TP53BP2: variants seen among roughly 807,000 people sequenced by gnomAD.
TP53BP2 encodes apoptosis-stimulating of p53 protein 2.
In TP53BP2, 62 loss-of-function variants were observed where a neutral mutation model predicts 126.2. The ratio of observed to expected loss-of-function variants is 0.49; its 90% CI spans 0.40 to 0.61. TP53BP2 has a LOEUF of 0.61. Ranked by LOEUF, TP53BP2 falls within the 20% of genes least tolerant of loss-of-function variation. The pLI, the probability that TP53BP2 is intolerant of heterozygous loss-of-function variation, is 0.00. For missense variants in TP53BP2, 1,215 were observed against 1,402.8 expected (o/e 0.87, Z 2.14); for synonymous variants, 485 against 502.9 (o/e 0.96, Z 0.48).
chr1:223,802,018 A>T, intron 9 of TP53BP2, 98 bp downstream of exon 9: 1 of 1,202,214 alleles, frequency 8.3e-7, no homozygotes, highest in South Asian at 1.5e-5. Context: ...TAGAATTCAA[A>T]CATGAATAAT....
intron 2 of TP53BP2, 76 bp downstream of exon 2, chr1:223,821,142 TCA>T: frequency 3.2e-6 from 5 of 1,576,986 alleles, no homozygotes; most frequent in Non-Finnish European, 4.3e-6. Context: ...ACATGAGCAT[TCA>T]CACAGTGCCA....
At chr1:223,785,708 G>A (rs1412193453) in intron 16 of TP53BP2, among the ~76,000 whole-genome samples, 1 of 152,156 alleles carries the variant, frequency 6.6e-6, no homozygotes, top group African/African-American at 2.4e-5. Context: ...ATTAGGAATG[G>A]AGAAAAATTC....
At chr1:223,809,940 C>T (rs1208602136) in intron 4 of TP53BP2, among the ~76,000 whole-genome samples, 1 of 152,100 alleles carries the variant, frequency 6.6e-6, no homozygotes, top group Non-Finnish European at 1.5e-5. Context: ...GATTCTCCTG[C>T]CTCAGCCTCC....
intron 1 of TP53BP2, 136 bp from the exon 2 acceptor site, chr1:223,821,503 CA>C: frequency 1.6e-6 from 2 of 1,215,526 alleles, no homozygotes; most frequent in South Asian, 2.4e-5. Context: ...GTCACCCGGC[CA>C]AAGGTGAGGT....
intron 1 of TP53BP2, among the ~76,000 whole-genome samples, chr1:223,821,775 C>T (rs952330770): frequency 5.3e-5 from 8 of 152,048 alleles, no homozygotes; most frequent in African/African-American, 9.7e-5. Context: ...TGGAAGGACA[C>T]GTAAGAATGT....
chr1:223,786,600 G>T (rs1247146623), intron 16 of TP53BP2, among the ~76,000 whole-genome samples: 1 of 150,102 alleles, frequency 6.7e-6, no homozygotes, highest in Non-Finnish European at 1.5e-5. Context: ...GTGTGTGTGT[G>T]TGTGTGTATA....
intron 1 of TP53BP2, among the ~76,000 whole-genome samples, chr1:223,822,962 A>G (rs1241783464): frequency 6.6e-6 from 1 of 152,232 alleles, no homozygotes; most frequent in East Asian, 1.9e-4. Flanking sequence ...CCTCACAGTG[A>G]GAATACATCC....
At chr1:223,826,830 C>T (rs1335849051) in intron 1 of TP53BP2, among the ~76,000 whole-genome samples, 1 of 152,100 alleles carries the variant, frequency 6.6e-6, no homozygotes, top group African/African-American at 2.4e-5. Context: ...AAATGCTACA[C>T]ACGGAATGAG....
chr1:223,836,594 G>A (rs547829310), intron 1 of TP53BP2, among the ~76,000 whole-genome samples: 4 of 152,340 alleles, frequency 2.6e-5, no homozygotes, highest in African/African-American at 9.6e-5. Flanking sequence ...GGTCAGACTT[G>A]AAGAATTCTG....
Position 223,798,668 on chromosome 1 carries a change from T to C in TP53BP2, c.1495A>G (p.Lys499Glu). 1 of 1,604,568 alleles carries C rather than the reference T, an allele frequency of 6.2e-7. No individual in the cohort carries two copies. Among genetic ancestry groups the C allele is most frequent in the South Asian group, 1.1e-5 (1 of 89,472 alleles). ...GGAGGTGGTACTTTAGCCACATTTTTATTTGCAACCTATAACACACACATA... is the reference window on the plus strand; with the variant it reads ...GGAGGTGGTACTTTAGCCACATTTTCATTTGCAACCTATAACACACACATA... ...DILRDAQVAN[K>E]NVAKVPPPVP... Residue 499 changes from lysine (K) to glutamate (E), a missense_variant, in exon 12 of 18, where the codon AAA becomes GAA. Physicochemically the swap from Lys to Glu is moderately conservative, Grantham distance 56. Around this residue, in one of 4 missense-constraint regions of TP53BP2, gnomAD observed 814 missense variants for 853.0 expected, o/e 0.95. Transcript: ENST00000343537.
At chr1:223,810,553 T>C (rs773601975) in intron 3 of TP53BP2, 40 bp from the exon 4 acceptor site, 1 of 1,339,974 alleles carries the variant, frequency 7.5e-7, no homozygotes, top group South Asian at 1.3e-5. Flanking sequence ...AACACTAGAG[T>C]TGACAGATAT....
chr1:223,833,699 C>T (rs925155361), intron 1 of TP53BP2, among the ~76,000 whole-genome samples: 1 of 152,144 alleles, frequency 6.6e-6, no homozygotes, highest in African/African-American at 2.4e-5. Context: ...CAAAGAAGCT[C>T]CTGGTTCTAT....
intron 1 of TP53BP2, among the ~76,000 whole-genome samples, chr1:223,828,858 G>A (rs780109079): frequency 2.0e-4 from 31 of 152,142 alleles, no homozygotes; most frequent in Non-Finnish European, 4.4e-5. Flanking sequence ...ATAAAGGTAT[G>A]GGGTTTCTTT....
chr1:223,782,051 A>G (rs923803479), intron 17 of TP53BP2, among the ~76,000 whole-genome samples: 4 of 152,190 alleles, frequency 2.6e-5, no homozygotes, highest in African/African-American at 9.7e-5. Context: ...TGTGTTAGAA[A>G]ATTTAAATAA....
At chr1:223,843,135 T>A (rs1166879105) in intron 1 of TP53BP2, among the ~76,000 whole-genome samples, 1 of 152,196 alleles carries the variant, frequency 6.6e-6, no homozygotes, top group African/African-American at 2.4e-5. Flanking sequence ...AACCACTTGA[T>A]CCTGTACCAT....
At chr1:223,784,681 T>G (rs1661889725) in intron 16 of TP53BP2, among the ~76,000 whole-genome samples, 1 of 152,162 alleles carries the variant, frequency 6.6e-6, no homozygotes, top group South Asian at 2.1e-4. Flanking sequence ...GCCTGTCCAA[T>G]TTCAGCCTAC....
intron 11 of TP53BP2, among the ~76,000 whole-genome samples, chr1:223,799,497 CTG>C (rs1355336447): frequency 6.6e-6 from 1 of 152,154 alleles, no homozygotes; most frequent in African/African-American, 2.4e-5. Context: ...ATCTAGACAA[CTG>C]TAATAAAACA....
intron 17 of TP53BP2, among the ~76,000 whole-genome samples, 165 bp downstream of exon 17, chr1:223,783,947 TAAG>T (rs1388600732): frequency 6.6e-6 from 1 of 152,166 alleles, no homozygotes; most frequent in African/African-American, 2.4e-5. Flanking sequence ...TTGGTCATAA[TAAG>T]AATCACTGAA....
At chr1:223,793,870 C>A (rs928190691) in intron 13 of TP53BP2, among the ~76,000 whole-genome samples, 10 of 152,204 alleles carry the variant, frequency 6.6e-5, no homozygotes, top group Non-Finnish European at 1.5e-4. Context: ...CAGCCCACAA[C>A]TACAACAGCT....
Sources: allele counts gnomAD v4.1 joint callset (sites outside exome capture counted in the v4.1 genomes callset), GRCh38; gene constraint gnomAD v4.1.1; regional missense constraint gnomAD v4.1.1; transcripts MANE v1.5; gene names NCBI Gene and HGNC (gene_info 2026-07-23, HGNC 2026-07-21).